Variants in ANKRD31 observed in about 807,000 individuals in gnomAD.
ANKRD31 encodes the protein ankyrin repeat domain 31.
In ANKRD31, 147 loss-of-function variants were observed where a neutral mutation model predicts 186.0. That is an observed-to-expected ratio of 0.79 (90% CI 0.69 to 0.91). The LOEUF (loss-of-function observed/expected upper bound fraction) is 0.91. Ranked by LOEUF, ANKRD31 falls within the 40% of genes least tolerant of loss-of-function variation. The probability of loss-of-function intolerance (pLI) is 0.00; values close to 1 mark genes in which losing one functional copy is unlikely to be tolerated. For missense variants in ANKRD31, 1,986 were observed against 2,148.8 expected (o/e 0.92, Z 1.50); for synonymous variants, 673 against 736.4 (o/e 0.91, Z 1.39).
At chr5:75,097,258 T>C (rs1746407371) in intron 22 of ANKRD31, among the ~76,000 whole-genome samples, 1 of 152,222 alleles carries the variant, frequency 6.6e-6, no homozygotes, top group Non-Finnish European at 1.5e-5. Context: ...ATGGTTGAAC[T>C]AGTTTACAGT....
At chr5:75,233,109 C>G (rs1482626057) in intron 1 of ANKRD31, among the ~76,000 whole-genome samples, 3 of 150,584 alleles carry the variant, frequency 2.0e-5, no homozygotes, top group Admixed American at 6.6e-5. Flanking sequence ...GTTGTCCAGG[C>G]TGGAGTGCAG....
intron 21 of ANKRD31, among the ~76,000 whole-genome samples, chr5:75,106,357 C>T (rs1747331627): frequency 6.6e-6 from 1 of 151,988 alleles, no homozygotes; most frequent in Non-Finnish European, 1.5e-5. Context: ...ATATATCTTG[C>T]CTCTCCTATC....
intron 20 of ANKRD31, among the ~76,000 whole-genome samples, chr5:75,107,945 T>G (rs1747466332): frequency 1.3e-5 from 2 of 152,068 alleles, no homozygotes; most frequent in Admixed American, 1.3e-4. Context: ...GAAGATATTT[T>G]GTTTGTTAAA....
At chr5:75,136,407 GA>G (rs1561464544) in intron 17 of ANKRD31, among the ~76,000 whole-genome samples, 1 of 152,078 alleles carries the variant, frequency 6.6e-6, no homozygotes, top group African/African-American at 2.4e-5. Context: ...ACAGACACAT[GA>G]AAAAAAGCTC....
In ANKRD31 at chr5:75,104,466, G is replaced by A. The variant is rs1480049313; in HGVS notation, c.5093C>T (p.Ala1698Val). 6 of 1,537,212 alleles carry A rather than the reference G, an allele frequency of 3.9e-6. No individual in the cohort carries two copies. The Admixed American group carries it at 1.2e-4, about 30-fold the overall frequency. The change falls in exon 22 of 26, where the codon GCT becomes GTT. Residue 1698 changes from alanine (A) to valine (V), a missense_variant. Coordinates refer to ENST00000506364, the MANE Select transcript of ANKRD31 (RefSeq NM_001372053.1). The part of the protein sequence containing the change: ...ASESLAHQGI[A>V]VLGSDTVHQM... ...ATGCACTGTATCACTGCCTAAGACA[G>A]CAATCCCTTGATGTGCCAGAGATTC...
chr5:75,174,575 G>C (rs1314007350), intron 10 of ANKRD31, among the ~76,000 whole-genome samples: 1 of 152,172 alleles, frequency 6.6e-6, no homozygotes, highest in Admixed American at 6.5e-5. Flanking sequence ...TGAAGGATAT[G>C]AACAGACACT....
rs555848154 is a variant in ANKRD31 at position 75,209,505 on chromosome 5, T to C, written c.326+1323A>G. ...CAGCATGGCCAACATGGCAAAACCC[T>C]GTCTCTACTAAAAATACAAAAATTA... On this transcript the variant is annotated intron_variant, in intron 4 of 25. Transcript: ENST00000506364. Among the ~76,000 whole-genome samples the C allele has an allele frequency of 3.7e-3, 564 of 152,078 alleles. 1 individual carries two copies. Among genetic ancestry groups the C allele is most frequent in the Middle Eastern group, 6.8e-3 (2 of 292 alleles).
At chr5:75,214,563 C>A (rs1376848183) in intron 3 of ANKRD31, among the ~76,000 whole-genome samples, 1 of 152,190 alleles carries the variant, frequency 6.6e-6, no homozygotes, top group Non-Finnish European at 1.5e-5. Context: ...CATAATCTCT[C>A]CATGAGCTCT....
chr5:75,138,215 A>G (rs1750748562), intron 16 of ANKRD31, among the ~76,000 whole-genome samples: 1 of 152,204 alleles, frequency 6.6e-6, no homozygotes, highest in South Asian at 2.1e-4. Flanking sequence ...ATTTGTTGAT[A>G]TAAGTGCCAA....
chr5:75,084,811 T>C (rs529751770), intron 23 of ANKRD31, among the ~76,000 whole-genome samples: 10 of 152,344 alleles, frequency 6.6e-5, no homozygotes, highest in South Asian at 2.1e-4. Context: ...ATAAAAGTAA[T>C]GGTACTTTTC....
chr5:75,190,837 C>T (rs1024751381), intron 9 of ANKRD31, among the ~76,000 whole-genome samples: 1 of 152,046 alleles, frequency 6.6e-6, no homozygotes, highest in Non-Finnish European at 1.5e-5. Context: ...CCATGACATA[C>T]ACCCCTGTTC....
At chr5:75,197,760 G>A (rs1340375614) in intron 6 of ANKRD31, among the ~76,000 whole-genome samples, 1 of 152,154 alleles carries the variant, frequency 6.6e-6, no homozygotes, top group South Asian at 2.1e-4. Context: ...TAAGATTCAA[G>A]ACATAAATAC....
chr5:75,224,126 T>TA, intron 2 of ANKRD31, among the ~76,000 whole-genome samples: 1 of 102,390 alleles, frequency 9.8e-6, no homozygotes, highest in African/African-American at 4.0e-5. Context: ...CTCTCAGAAA[T>TA]AATTATATAT....
intron 17 of ANKRD31, among the ~76,000 whole-genome samples, chr5:75,118,527 G>T (rs1365402397): frequency 6.6e-6 from 1 of 152,126 alleles, no homozygotes; most frequent in African/African-American, 2.4e-5. Flanking sequence ...ACAATATGCT[G>T]CCTTCATTGC....
intron 1 of ANKRD31, among the ~76,000 whole-genome samples, chr5:75,232,158 T>C (rs1436225099): frequency 6.6e-6 from 1 of 152,234 alleles, no homozygotes; most frequent in Non-Finnish European, 1.5e-5. Flanking sequence ...ATAGTGCATT[T>C]TTCCAAGAAG....
chr5:75,164,267 A>G (rs1268315791), intron 11 of ANKRD31, among the ~76,000 whole-genome samples: 1 of 152,162 alleles, frequency 6.6e-6, no homozygotes, highest in Non-Finnish European at 1.5e-5. Context: ...TCTTGACTAC[A>G]ACCTCATGAG....
rs187628986 is a variant in ANKRD31 at position 75,137,763 on chromosome 5, G to A, written c.3876+93C>T. 1.3e-4 allele frequency: 152 copies of A among 1,176,672 alleles called. 2 individuals carry two copies. In the African/African-American group the frequency reaches 2.2e-3, roughly 17 times the overall value. The allele number at this position is 1,176,672 out of a possible 1,614,324, so 72.9% of individuals were successfully genotyped here. On this transcript the variant is annotated intron_variant, in intron 17 of 25. Transcript: ENST00000506364. Reference sequence around the variant, plus strand: ...TTTTAAAAAAATCACTTGTTTTACTGAATCATTTTAGTTCTCAGTTTAAAA... The same window carrying A: ...TTTTAAAAAAATCACTTGTTTTACTAAATCATTTTAGTTCTCAGTTTAAAA...
chr5:75,081,684 CAG>C (rs530571357), intron 24 of ANKRD31, among the ~76,000 whole-genome samples: 86 of 136,460 alleles, frequency 6.3e-4, no homozygotes, highest in Non-Finnish European at 6.2e-4. Context: ...GGGGAGGAGG[CAG>C]AGAGAGAGAG....
chr5:75,119,827 G>A (rs1368125521), intron 17 of ANKRD31, among the ~76,000 whole-genome samples: 1 of 152,058 alleles, frequency 6.6e-6, no homozygotes, highest in Non-Finnish European at 1.5e-5. Context: ...GCTTTGATTT[G>A]TACTTCTCTG....
Sources: gnomAD v4.1 joint callset for allele counts (sites outside exome capture counted in the v4.1 genomes callset) on GRCh38, gnomAD v4.1.1 for gene constraint, MANE v1.5 for transcripts, NCBI Gene and HGNC (gene_info 2026-07-23, HGNC 2026-07-21) for gene names.